KIF26B: variants seen among roughly 807,000 people sequenced by gnomAD.
KIF26B encodes the protein kinesin-like protein KIF26B.
KIF26B carries 63 observed loss-of-function variants against 151.2 expected under a neutral mutation model. That is an observed-to-expected ratio of 0.42 (90% CI 0.34 to 0.51). KIF26B has a LOEUF of 0.51. Among genes scored for constraint, KIF26B ranks in the 20% least tolerant of loss-of-function variants. The probability of loss-of-function intolerance (pLI) is 0.07; values close to 1 mark genes in which losing one functional copy is unlikely to be tolerated. For missense variants in KIF26B, 2,813 were observed against 2,913.6 expected, an observed-to-expected ratio of 0.97 and a Z score of 0.79; for synonymous variants, 1,357 against 1,262.1, an observed-to-expected ratio of 1.08 and a Z score of -1.59.
chr1:245,314,956 G>A (rs1486398502), intron 2 of KIF26B, among the ~76,000 whole-genome samples: 1 of 152,120 alleles, frequency 6.6e-6, no homozygotes, highest in Non-Finnish European at 1.5e-5. Context: ...CGAGGCGGGT[G>A]GATCACCTGA....
intron 3 of KIF26B, among the ~76,000 whole-genome samples, chr1:245,368,756 T>A (rs932284259): frequency 1.3e-5 from 2 of 151,662 alleles, no homozygotes; most frequent in Non-Finnish European, 2.9e-5. Context: ...GAAGATAGAG[T>A]GTGTGGAGGA....
chr1:245,370,805 C>T (rs982538146), intron 3 of KIF26B: 6 of 360,514 alleles, frequency 1.7e-5, no homozygotes, highest in African/African-American at 1.3e-4. Context: ...TGTTCTTCCT[C>T]TTACTTCCCA....
At chr1:245,641,891 C>T (rs1004590869) in intron 9 of KIF26B, among the ~76,000 whole-genome samples, 2 of 152,188 alleles carry the variant, frequency 1.3e-5, no homozygotes, top group Non-Finnish European at 1.5e-5. Flanking sequence ...ATGATATCTA[C>T]ACATTGAGAG....
intron 9 of KIF26B, among the ~76,000 whole-genome samples, chr1:245,637,741 C>A (rs2043850626): frequency 6.6e-6 from 1 of 152,000 alleles, no homozygotes; most frequent in African/African-American, 2.4e-5. Flanking sequence ...TTCCCAGCAC[C>A]ATTTATTAAA....
chr1:245,542,215 C>T (rs912764367), intron 5 of KIF26B, among the ~76,000 whole-genome samples: 6 of 152,174 alleles, frequency 3.9e-5, no homozygotes, highest in African/African-American at 1.4e-4. Context: ...CAGCTGGGCA[C>T]AGTGGCAGAT....
chr1:245,433,968 C>T (rs924454790), intron 4 of KIF26B, among the ~76,000 whole-genome samples: 1 of 151,910 alleles, frequency 6.6e-6, no homozygotes, highest in Non-Finnish European at 1.5e-5. Context: ...GTAATCAGTA[C>T]CAGGCAAGCC....
At chr1:245,562,361 C>A (rs746008258) in intron 5 of KIF26B, among the ~76,000 whole-genome samples, 1 of 152,042 alleles carries the variant, frequency 6.6e-6, no homozygotes, top group Non-Finnish European at 1.5e-5. Flanking sequence ...ATAGGAGGAC[C>A]CTCACATTGC....
chr1:245,184,392 G>A (rs915373963), intron 2 of KIF26B, among the ~76,000 whole-genome samples: 4 of 152,088 alleles, frequency 2.6e-5, no homozygotes, highest in Non-Finnish European at 5.9e-5. Flanking sequence ...AATGGAGAGT[G>A]GATCCTGGGT....
At chr1:245,417,982 GAA>G (rs35631765) in intron 3 of KIF26B, among the ~76,000 whole-genome samples, 125 of 152,044 alleles carry the variant, frequency 8.2e-4, no homozygotes, top group South Asian at 6.6e-3. Context: ...ATTCTTGGGG[GAA>G]AAAAAAAGTT....
At chr1:245,521,105 A>G (rs1031526355) in intron 4 of KIF26B, among the ~76,000 whole-genome samples, 2 of 152,182 alleles carry the variant, frequency 1.3e-5, no homozygotes, top group Non-Finnish European at 2.9e-5. Context: ...TGGGAGGCCG[A>G]GGCGGGCGGA....
Position 245,687,342 on chromosome 1 carries a change from T to C in KIF26B, c.4359T>C (p.Ala1453=). The C allele has an allele frequency of 6.3e-7, 1 of 1,596,176 alleles. No homozygotes were observed. The highest frequency in any genetic ancestry group is 8.5e-7 in the Non-Finnish European group (1 of 1,171,982). The part of the protein sequence containing the change: ...KREEEVKKET[A]HPNEEGMMRC... The stretch of plus-strand genomic sequence containing the variant: ...AAGAGGAAGTGAAAAAAGAGACGGC[T>C]CATCCCAATGAAGAAGGGATGATGA... Residue 1453 remains alanine, a synonymous_variant, in exon 12 of 15, where the codon GCT becomes GCC. Coordinates refer to ENST00000407071, the MANE Select transcript of KIF26B (RefSeq NM_018012.4). This position sits in a 1 kb window ranked among gnomAD's most constrained non-coding sequence, Gnocchi z 4.9.
At chr1:245,479,237 A>T (rs1319934588) in intron 4 of KIF26B, among the ~76,000 whole-genome samples, 2 of 151,930 alleles carry the variant, frequency 1.3e-5, no homozygotes, top group Non-Finnish European at 2.9e-5. Context: ...AAAACAACAT[A>T]AATGTTGACA....
chr1:245,215,629 C>T (rs1323558254), intron 2 of KIF26B, among the ~76,000 whole-genome samples: 1 of 152,166 alleles, frequency 6.6e-6, no homozygotes, highest in Non-Finnish European at 1.5e-5. Context: ...TTATGCTGGG[C>T]TCGGGGTGTG....
At chr1:245,545,032 C>T (rs79042743) in intron 5 of KIF26B, among the ~76,000 whole-genome samples, 4,419 of 152,042 alleles carry the variant, frequency 0.029, 240 homozygotes, top group African/African-American at 0.1. Context: ...GGCATGCACA[C>T]GCACATGCGC....
At chr1:245,377,148 C>G (rs757886880) in intron 3 of KIF26B, among the ~76,000 whole-genome samples, 2 of 152,206 alleles carry the variant, frequency 1.3e-5, no homozygotes, top group African/African-American at 2.4e-5. Context: ...CTCCTGACCT[C>G]AGGTGACCCA....
chr1:245,434,888 C>T (rs1261390820), intron 4 of KIF26B, among the ~76,000 whole-genome samples: 2 of 152,254 alleles, frequency 1.3e-5, no homozygotes, highest in African/African-American at 4.8e-5. Flanking sequence ...AGTCACCTCC[C>T]AGTTAACCTA....
In KIF26B at chr1:245,242,902, G is replaced by A. The variant is rs543558504; in HGVS notation, c.465+86219G>A. ...CCTGACATCATGATCTGCCCGCCTT[G>A]GCCTCCCAAAGTGCTGGGATTACAG... On this transcript the variant is annotated intron_variant, in intron 2 of 14. Coordinates refer to ENST00000407071, the MANE Select transcript of KIF26B (RefSeq NM_018012.4). Among the ~76,000 whole-genome samples the A allele has an allele frequency of 3.6e-3, 541 of 148,612 alleles. 3 individuals carry two copies. The highest frequency in any genetic ancestry group is 0.013 in the African/African-American group (517 of 38,610).
chr1:245,194,947 C>T (rs1443472687), intron 2 of KIF26B, among the ~76,000 whole-genome samples: 1 of 152,086 alleles, frequency 6.6e-6, no homozygotes, highest in African/African-American at 2.4e-5. Flanking sequence ...ACTATATAAT[C>T]TAAACATATA....
At position 245,269,590 on chromosome 1, in the gene KIF26B, G is replaced by A. The variant is rs555908881; in HGVS notation, c.466-97244G>A. Among the ~76,000 whole-genome samples, 4 of 151,782 alleles carry A rather than the reference G, an allele frequency of 2.6e-5. No homozygotes were observed. In the East Asian group the frequency reaches 5.8e-4, roughly 22 times the overall value. ...AGTGATTCTCCTGCTTCAGCCTCCC[G>A]AGTAGCTGGAATTATAGGCGCCTGC... On this transcript the variant is annotated intron_variant, in intron 2 of 14. Transcript: ENST00000407071.
Sources: allele counts gnomAD v4.1 joint callset (sites outside exome capture counted in the v4.1 genomes callset), GRCh38; gene constraint gnomAD v4.1.1; non-coding constraint Gnocchi (gnomAD v3.1); transcripts MANE v1.5; gene names NCBI Gene and HGNC (gene_info 2026-07-23, HGNC 2026-07-21).